The following PRKCE variants were observed in gnomAD, a reference collection of about 807,000 sequenced individuals.
PRKCE encodes the protein protein kinase C epsilon type.
Under a neutral mutation model 85.4 loss-of-function variants are expected in PRKCE, and 16 were observed. The observed-to-expected ratio is 0.19, with a 90% CI of 0.13 to 0.28. The LOEUF is 0.28. Ranked by LOEUF, PRKCE falls within the 10% of genes least tolerant of loss-of-function variation. The pLI is 1.00. For synonymous variants in PRKCE, 388 were observed against 371.5 expected (o/e 1.04, Z -0.51); for missense variants, 573 against 975.2 (o/e 0.59, Z 5.49).
At chr2:45,859,114 T>C (rs1692936795) in intron 2 of PRKCE, among the ~76,000 whole-genome samples, 1 of 151,932 alleles carries the variant, frequency 6.6e-6, no homozygotes, top group Non-Finnish European at 1.5e-5. Context: ...CTATGTTTCA[T>C]TCAACATTCT....
At chr2:45,984,709 C>T (rs762095857) in intron 6 of PRKCE, 29 bp downstream of exon 6, 38 of 1,579,030 alleles carry the variant, frequency 2.4e-5, no homozygotes, top group Non-Finnish European at 3.0e-5. Flanking sequence ...TGCCCTCAGC[C>T]CCTGCATGTC....
intron 1 of PRKCE, among the ~76,000 whole-genome samples, chr2:45,655,602 G>A (rs1675339747): frequency 1.3e-5 from 2 of 152,068 alleles, no homozygotes; most frequent in African/African-American, 2.4e-5. Context: ...GAGCTGGGAG[G>A]ACCGTTTGAG....
intron 2 of PRKCE, among the ~76,000 whole-genome samples, chr2:45,972,059 G>A (rs1375346003): frequency 6.6e-6 from 1 of 152,158 alleles, no homozygotes; most frequent in Non-Finnish European, 1.5e-5. Flanking sequence ...TATAGTGGCT[G>A]TACAATTTTA....
At position 46,186,911 on chromosome 2, in the gene PRKCE, ATAT is replaced by A. The variant is rs1360970155; in HGVS notation, c.*2034_*2036del. 4 of 152,646 alleles carry A rather than the reference ATAT, an allele frequency of 2.6e-5. No individual in the cohort carries two copies. The highest frequency in any genetic ancestry group is 9.6e-5 in the African/African-American group (4 of 41,458). 9.5% of individuals were successfully genotyped at this position (152,646 alleles called of 1,614,324 possible). Reference sequence around the variant, plus strand: ...TTCTTAAGATAATTGCAAATATTAAATATTATGATATATCAATTCATGTGTTTG... The same window carrying A: ...TTCTTAAGATAATTGCAAATATTAAATATGATATATCAATTCATGTGTTTG... On this transcript the variant is annotated 3_prime_UTR_variant, in exon 15 of 15. Transcript: ENST00000306156.
chr2:46,096,088 A>T (rs951449693), intron 11 of PRKCE, among the ~76,000 whole-genome samples: 2 of 152,202 alleles, frequency 1.3e-5, no homozygotes, highest in African/African-American at 2.4e-5. Context: ...TTTACATGGG[A>T]AGCAACATTG....
At chr2:45,958,816 A>ATTTTT in intron 2 of PRKCE, among the ~76,000 whole-genome samples, 1 of 18,150 alleles carries the variant, frequency 5.5e-5, no homozygotes, top group Non-Finnish European at 9.4e-5. Flanking sequence ...ATATATATAT[A>ATTTTT]TTTTTTTTTT....
intron 2 of PRKCE, among the ~76,000 whole-genome samples, chr2:45,864,140 C>A (rs10181963): frequency 0.18 from 27,786 of 152,134 alleles, 3,398 homozygotes; most frequent in East Asian, 0.43. Context: ...CCTTCTACCC[C>A]TCAAAGAGCG....
At chr2:45,955,261 G>A (rs551248132) in intron 2 of PRKCE, among the ~76,000 whole-genome samples, 4 of 152,294 alleles carry the variant, frequency 2.6e-5, no homozygotes, top group South Asian at 2.1e-4. Context: ...TTTAGATGAC[G>A]AGAGGGCAGA....
In PRKCE at chr2:45,937,484, G is replaced by A. The variant is rs535609685; in HGVS notation, c.413-38945G>A. On this transcript the variant is annotated intron_variant, in intron 2 of 14. Coordinates refer to ENST00000306156, the MANE Select transcript of PRKCE (RefSeq NM_005400.3). The stretch of plus-strand genomic sequence containing the variant: ...TCCCAGCACTTTGGGAGGCTCAGGC[G>A]CGCGGATCACGAGGTCAGGAGATGA... Among the ~76,000 whole-genome samples, 69 of 152,294 alleles carry A rather than the reference G, an allele frequency of 4.5e-4. No homozygotes were observed. The South Asian group carries it at 0.011, about 24-fold the overall frequency.
chr2:45,676,467 A>G (rs939841567), intron 1 of PRKCE, among the ~76,000 whole-genome samples: 2 of 152,250 alleles, frequency 1.3e-5, no homozygotes, highest in African/African-American at 4.8e-5. Context: ...TGACGTCAAT[A>G]AGGATTATAT....
intron 1 of PRKCE, among the ~76,000 whole-genome samples, chr2:45,743,195 G>C (rs918896253): frequency 1.1e-4 from 17 of 152,078 alleles, no homozygotes; most frequent in African/African-American, 4.1e-4. Context: ...CTAATGTACA[G>C]CATAATGACT....
At chr2:45,848,233 G>C (rs556717932) in intron 2 of PRKCE, among the ~76,000 whole-genome samples, 1 of 152,120 alleles carries the variant, frequency 6.6e-6, no homozygotes, top group Non-Finnish European at 1.5e-5. Context: ...TAAATTCTAC[G>C]TTAATAATCC....
chr2:46,114,407 CTTTTTTTTTTTTTTT>C (rs36107970), intron 11 of PRKCE, among the ~76,000 whole-genome samples: 2 of 47,682 alleles, frequency 4.2e-5, no homozygotes, highest in African/African-American at 2.0e-4. Flanking sequence ...GAGTCCAAGG[CTTTTTTTTTTTTTTT>C]TTTTTTTTTT....
At chr2:46,034,668 C>T (rs74579623) in intron 10 of PRKCE, among the ~76,000 whole-genome samples, 1 of 152,212 alleles carries the variant, frequency 6.6e-6, no homozygotes, top group East Asian at 1.9e-4. Flanking sequence ...GGAGAGGCAA[C>T]CTAGCATGCT....
intron 2 of PRKCE, among the ~76,000 whole-genome samples, chr2:45,859,071 A>C (rs972092095): frequency 2.0e-5 from 3 of 151,180 alleles, no homozygotes; most frequent in African/African-American, 7.3e-5. Flanking sequence ...TAAATAAATA[A>C]ATAAATAAAT....
intron 1 of PRKCE, among the ~76,000 whole-genome samples, chr2:45,715,106 G>T (rs1220221757): frequency 1.3e-5 from 2 of 152,274 alleles, no homozygotes; most frequent in Non-Finnish European, 2.9e-5. Flanking sequence ...ACTCGGAGCT[G>T]TGGGTTGAAT....
intron 1 of PRKCE, among the ~76,000 whole-genome samples, chr2:45,784,643 T>A (rs1202685161): frequency 9.2e-5 from 14 of 152,162 alleles, no homozygotes; most frequent in Admixed American, 8.5e-4. Flanking sequence ...TGTTTTTTTT[T>A]AAACAAACCT....
At chr2:45,817,095 GTGTGT>G (rs1181688586) in intron 1 of PRKCE, among the ~76,000 whole-genome samples, 1 of 151,358 alleles carries the variant, frequency 6.6e-6, no homozygotes, top group Admixed American at 6.6e-5. Context: ...GTGTGTGTGT[GTGTGT>G]GTGTGTGTGT....
Position 46,004,582 on chromosome 2 carries a change from G to C in PRKCE, c.1007G>C (p.Ser336Thr). The change falls in exon 8 of 15, where the codon AGC becomes ACC. Residue 336 changes from serine to threonine, a missense_variant. Physicochemically the swap from Ser to Thr is moderately conservative, Grantham distance 58 (BLOSUM62 1). Around this residue, in one of 11 missense-constraint regions of PRKCE, gnomAD observed 117 missense variants for 104.8 expected, o/e 1.12. Coordinates refer to ENST00000306156, the MANE Select transcript of PRKCE (RefSeq NM_005400.3). The surrounding 1 kb of genome is among the most constrained non-coding windows in gnomAD (Gnocchi z 4.1). ...GAGTCCCCGCAGCCTGCTTCTGGAA[G>C]CTCACCATCTGAGGAAGATCGATCC... ...GAESPQPASGSSPSEEDRSKS... is the reference protein window; with the variant it reads ...GAESPQPASGTSPSEEDRSKS... The C allele has an allele frequency of 6.3e-7, 1 of 1,592,100 alleles. No homozygotes were observed. The highest frequency in any genetic ancestry group is 1.7e-5 in the Admixed American group (1 of 59,158).
Sources: allele counts gnomAD v4.1 joint callset (sites outside exome capture counted in the v4.1 genomes callset), GRCh38; gene constraint gnomAD v4.1.1; regional missense constraint gnomAD v4.1.1; non-coding constraint Gnocchi (gnomAD v3.1); transcripts MANE v1.5; gene names NCBI Gene and HGNC (gene_info 2026-07-23, HGNC 2026-07-21).